The following SPATS2L variants were observed in gnomAD, a reference collection of about 807,000 sequenced individuals.
SPATS2L encodes the protein SPATS2-like protein.
In SPATS2L, 30 loss-of-function variants were observed where a neutral mutation model predicts 59.6. The ratio of observed to expected loss-of-function variants is 0.50; its 90% CI spans 0.38 to 0.68. SPATS2L has a LOEUF of 0.68. Ranked by LOEUF, SPATS2L falls within the 30% of genes least tolerant of loss-of-function variation. The pLI is 0.00. For synonymous variants in SPATS2L, 252 were observed against 263.5 expected, an observed-to-expected ratio of 0.96 and a Z score of 0.42; for missense variants, 615 against 700.0, an observed-to-expected ratio of 0.88 and a Z score of 1.37.
Position 200,361,740 on chromosome 2 carries a change from A to T in SPATS2L, c.-22-27483A>T, listed in dbSNP as rs1041190783. On this transcript the variant is annotated intron_variant, in intron 2 of 12. Coordinates refer to ENST00000409140, the MANE Select transcript of SPATS2L (RefSeq NM_001100423.2). ...TTCTACATCCTCTTCAGTTTTTCAC[A>T]TACCACTTTAGTTGTGGGAACAAAA... Among the ~76,000 whole-genome samples the T allele has an allele frequency of 2.0e-5, 3 of 152,184 alleles. No individual in the cohort carries two copies. In the South Asian group the frequency reaches 6.2e-4, roughly 32 times the overall value.
chr2:200,462,890 C>CA (rs2086336432), intron 9 of SPATS2L, among the ~76,000 whole-genome samples: 1 of 152,002 alleles, frequency 6.6e-6, no homozygotes, highest in African/African-American at 2.4e-5. Context: ...CATGCCATTA[C>CA]AATCCAGCCT....
At chr2:200,311,100 A>AT (rs934756974) in intron 1 of SPATS2L, among the ~76,000 whole-genome samples, 53 of 152,240 alleles carry the variant, frequency 3.5e-4, no homozygotes, top group African/African-American at 1.2e-3. Context: ...TGTAAGGATG[A>AT]TTTTTTTTAA....
chr2:200,427,167 C>A (rs2083628185), intron 6 of SPATS2L, among the ~76,000 whole-genome samples: 1 of 152,088 alleles, frequency 6.6e-6, no homozygotes, highest in South Asian at 2.1e-4. Context: ...GTACCACTTA[C>A]AAAGATCAAA....
At position 200,315,141 on chromosome 2, in the gene SPATS2L, G is replaced by A. The variant is rs905125782; in HGVS notation, c.-73+8219G>A. Among the ~76,000 whole-genome samples the A allele has an allele frequency of 5.9e-5, 9 of 152,278 alleles. No homozygotes were observed. The East Asian group carries it at 1.5e-3, about 26-fold the overall frequency. On this transcript the variant is annotated intron_variant, in intron 1 of 12. Coordinates refer to ENST00000409140, the MANE Select transcript of SPATS2L (RefSeq NM_001100423.2). ...TGCATCCTGTACGAGCCAAGCCCAC[G>A]AGCTTTTTGAATGATTAAGTCAGCC...
chr2:200,388,677 C>G, intron 2 of SPATS2L, among the ~76,000 whole-genome samples: 1 of 144,772 alleles, frequency 6.9e-6, no homozygotes, highest in South Asian at 2.2e-4. Flanking sequence ...GAAATTAGAG[C>G]ATTCCAGATA....
At chr2:200,334,361 T>G (rs1384335511) in intron 2 of SPATS2L, among the ~76,000 whole-genome samples, 1 of 152,132 alleles carries the variant, frequency 6.6e-6, no homozygotes, top group Admixed American at 6.5e-5. Context: ...GGGTTGTTTG[T>G]TTTTTTCTTG....
intron 5 of SPATS2L, among the ~76,000 whole-genome samples, chr2:200,418,581 T>TAATAAATAAATAAATAAATA (rs146482107): frequency 3.9e-4 from 57 of 145,398 alleles, no homozygotes; most frequent in African/African-American, 9.1e-4. Context: ...CCTTATTAAA[T>TAATAAATAAATAAATAAATA]AATAAATAAA....
chr2:200,388,634 G>A (rs1328664572), intron 2 of SPATS2L, among the ~76,000 whole-genome samples: 1 of 140,162 alleles, frequency 7.1e-6, no homozygotes, highest in Admixed American at 7.2e-5. Context: ...CCCAGAAAAA[G>A]ACTACAGGAA....
intron 1 of SPATS2L, among the ~76,000 whole-genome samples, chr2:200,321,182 G>A (rs1387807359): frequency 6.6e-6 from 1 of 152,150 alleles, no homozygotes; most frequent in Non-Finnish European, 1.5e-5. Context: ...GTATATTTGT[G>A]TGTTTTAAAC....
intron 3 of SPATS2L, among the ~76,000 whole-genome samples, chr2:200,400,309 G>A (rs2082485733): frequency 6.6e-6 from 1 of 152,146 alleles, no homozygotes. Flanking sequence ...AGGACTCAGT[G>A]TACCCTAAAA....
chr2:200,460,486 C>T (rs2086156154), intron 9 of SPATS2L, among the ~76,000 whole-genome samples: 1 of 152,148 alleles, frequency 6.6e-6, no homozygotes, highest in Non-Finnish European at 1.5e-5. Context: ...TGGCTTACGC[C>T]TGTAATCCCA....
At chr2:200,440,414 A>G (rs1180808284) in intron 7 of SPATS2L, among the ~76,000 whole-genome samples, 3 of 152,224 alleles carry the variant, frequency 2.0e-5, no homozygotes, top group East Asian at 1.9e-4. Flanking sequence ...CAAAGAGTGC[A>G]GGAGACAAGC....
chr2:200,356,277 G>A (rs1285967407), intron 2 of SPATS2L, among the ~76,000 whole-genome samples: 1 of 152,044 alleles, frequency 6.6e-6, no homozygotes, highest in Non-Finnish European at 1.5e-5. Flanking sequence ...ATGCATAAAA[G>A]CACATTATAC....
intron 8 of SPATS2L, among the ~76,000 whole-genome samples, chr2:200,457,529 G>A (rs1254678451): frequency 6.6e-6 from 1 of 152,166 alleles, no homozygotes; most frequent in Non-Finnish European, 1.5e-5. Flanking sequence ...AAAACACACT[G>A]ACATACCTAT....
At chr2:200,367,202 A>T (rs2081291822) in intron 2 of SPATS2L, among the ~76,000 whole-genome samples, 1 of 152,182 alleles carries the variant, frequency 6.6e-6, no homozygotes, top group African/African-American at 2.4e-5. Context: ...TTGGGCAAAA[A>T]CTGTGTTTAG....
At chr2:200,376,831 C>G (rs2081616346) in intron 2 of SPATS2L, among the ~76,000 whole-genome samples, 1 of 152,214 alleles carries the variant, frequency 6.6e-6, no homozygotes, top group African/African-American at 2.4e-5. Flanking sequence ...GGCCGCCACC[C>G]TCTCCTCTCT....
chr2:200,407,085 C>T (rs2082712292), intron 3 of SPATS2L, among the ~76,000 whole-genome samples: 1 of 152,186 alleles, frequency 6.6e-6, no homozygotes, highest in South Asian at 2.1e-4. Flanking sequence ...GGAAGGACCC[C>T]TTAATGCAAA....
chr2:200,306,566 G>T, upstream of SPATS2L: 1 of 1,002,286 alleles, frequency 1.0e-6, no homozygotes, highest in Non-Finnish European at 1.2e-6. Context: ...GTTTGCGAGC[G>T]GGAGCGAGGG....
intron 8 of SPATS2L, among the ~76,000 whole-genome samples, chr2:200,445,601 C>G (rs73986901): frequency 6.6e-6 from 1 of 152,134 alleles, no homozygotes; most frequent in Admixed American, 6.5e-5. Context: ...ATCAGAACCA[C>G]GTATATGTAA....
Sources: gnomAD v4.1 joint callset for allele counts (sites outside exome capture counted in the v4.1 genomes callset) on GRCh38, gnomAD v4.1.1 for gene constraint, MANE v1.5 for transcripts, NCBI Gene and HGNC (gene_info 2026-07-23, HGNC 2026-07-21) for gene names.